Variants in POLR3E observed in about 807,000 individuals in gnomAD.
POLR3E encodes DNA-directed RNA polymerase III subunit RPC5.
POLR3E carries 41 observed loss-of-function variants against 96.6 expected under a neutral mutation model. The ratio of observed to expected loss-of-function variants is 0.42; its 90% CI spans 0.33 to 0.55. POLR3E has a LOEUF of 0.55. Ranked by LOEUF, POLR3E falls within the 20% of genes least tolerant of loss-of-function variation. The pLI is 0.06. For synonymous variants in POLR3E, 396 were observed against 383.6 expected (o/e 1.03, Z -0.38); for missense variants, 849 against 952.1 (o/e 0.89, Z 1.43).
chr16:22,298,988 G>C (rs2047964777), intron 1 of POLR3E: 1 of 455,880 alleles, frequency 2.2e-6, no homozygotes, highest in Admixed American at 2.4e-5. Flanking sequence ...CCTTCATGGA[G>C]CTTACGTTCT....
intron 3 of POLR3E, 105 bp from the exon 4 acceptor site, chr16:22,308,043 T>C: frequency 1.3e-6 from 1 of 796,130 alleles, no homozygotes; most frequent in Non-Finnish European, 2.2e-6. Context: ...GTAAGGCCAG[T>C]CTCTGCTTGG....
chr16:22,328,580 G>A lies in POLR3E; in HGVS notation c.1937G>A (p.Ser646Asn). The change falls in exon 19 of 21, where the codon AGT becomes AAT. Residue 646 changes from serine (S) to asparagine (N), a missense_variant. Coordinates refer to ENST00000299853, the MANE Select transcript of POLR3E (RefSeq NM_018119.4). ...VFALWESGDM[S>N]DQHRQVLLEI... Reference sequence around the variant, plus strand: ...GCCCTCTGGGAGTCTGGAGACATGAGTGATCAGGTGAGGTGAACTTTGCTG... The same window carrying A: ...GCCCTCTGGGAGTCTGGAGACATGAATGATCAGGTGAGGTGAACTTTGCTG... The A allele has an allele frequency of 6.2e-7, 1 of 1,613,662 alleles. No individual in the cohort carries two copies. Among genetic ancestry groups the A allele is most frequent in the South Asian group, 1.1e-5 (1 of 91,076 alleles).
intron 13 of POLR3E, 106 bp downstream of exon 13, chr16:22,319,052 G>GT: frequency 1.3e-6 from 1 of 765,324 alleles, no homozygotes; most frequent in South Asian, 2.0e-5. Flanking sequence ...TCGGCTCACT[G>GT]TAACTTCTCC....
intron 4 of POLR3E, 32 bp downstream of exon 4, chr16:22,308,257 G>A (rs755560214): frequency 1.0e-5 from 16 of 1,537,808 alleles, no homozygotes; most frequent in Admixed American, 6.7e-5. Context: ...AGTTGGGGCC[G>A]AAAGAGAGGG....
Position 22,325,768 on chromosome 16 carries a change from C to G in POLR3E, c.1356C>G (p.Ala452=). The change falls in exon 18 of 21, where the codon GCC becomes GCG. Residue 452 remains alanine (A), a synonymous_variant. Transcript: ENST00000299853. ...PKKPDAQSGP[A]GLVCGDQRIQ... Reference sequence around the variant, plus strand: ...CTGCCTCCCTCCCCGCAGGGCCTGCCGGGCTGGTCTGTGGGGACCAGCGGA... The same window carrying G: ...CTGCCTCCCTCCCCGCAGGGCCTGCGGGGCTGGTCTGTGGGGACCAGCGGA... The G allele has an allele frequency of 6.4e-7, 1 of 1,560,018 alleles. No individual in the cohort carries two copies. The highest frequency in any genetic ancestry group is 8.7e-7 in the Non-Finnish European group (1 of 1,154,114).
At chr16:22,332,216 T>C in intron 20 of POLR3E, 31 bp downstream of exon 20, 2 of 1,600,486 alleles carry the variant, frequency 1.2e-6, no homozygotes, top group Non-Finnish European at 1.7e-6. Flanking sequence ...ACAAACAATA[T>C]CAAAGGCTCT....
At chr16:22,332,310 G>A (rs1669387615) in intron 20 of POLR3E, 125 bp downstream of exon 20, 2 of 822,578 alleles carry the variant, frequency 2.4e-6, no homozygotes, top group African/African-American at 1.7e-5. Context: ...TCCCCAGTCA[G>A]TCTTGTCTTG....
chr16:22,332,967 C>CTTTTT (rs1166614906), intron 20 of POLR3E, among the ~76,000 whole-genome samples: 105 of 72,988 alleles, frequency 1.4e-3, no homozygotes, highest in Non-Finnish European at 1.8e-3. Flanking sequence ...CGTAGACCCC[C>CTTTTT]TTTTTTTTTT....
In POLR3E at chr16:22,333,626, C is replaced by T; in HGVS notation, c.2071-18C>T. 1 of 1,592,784 alleles carries T rather than the reference C, an allele frequency of 6.3e-7. No homozygotes were observed. On this transcript the variant is annotated intron_variant, in intron 20 of 20. Coordinates refer to ENST00000299853, the MANE Select transcript of POLR3E (RefSeq NM_018119.4). ...TTTTCCTGCAAAAATCTGTGCTTAC[C>T]CTGTTTCTCTCTCATAGGACTGCTG... is the stretch of plus-strand genomic sequence containing the variant.
intron 17 of POLR3E, 68 bp from the exon 18 acceptor site, chr16:22,325,693 G>T: frequency 6.7e-7 from 1 of 1,486,928 alleles, no homozygotes; most frequent in Non-Finnish European, 8.9e-7. Context: ...CAGCCCCGCG[G>T]TCCCCTGCTG....
chr16:22,312,890 A>C (rs997277159), intron 6 of POLR3E, among the ~76,000 whole-genome samples: 10 of 151,776 alleles, frequency 6.6e-5, no homozygotes, highest in Middle Eastern at 3.2e-3. Context: ...AAAAAAAAAA[A>C]AAAAAAACAG....
At chr16:22,332,209 A>G (rs779216604) in intron 20 of POLR3E, 24 bp downstream of exon 20, 11 of 1,605,210 alleles carry the variant, frequency 6.9e-6, no homozygotes, top group Non-Finnish European at 9.4e-6. Context: ...GTGCATAACA[A>G]ACAATATCAA....
At position 22,332,176 on chromosome 16, in the gene POLR3E, AGTACTAAAG is replaced by A. The variant is rs1203024274; in HGVS notation, c.2066_2070+4del. On this transcript the variant is annotated inframe_deletion and splice_region_variant, in exon 20 of 21. Coordinates refer to ENST00000299853, the MANE Select transcript of POLR3E (RefSeq NM_018119.4). ...ATCTCAGTAAACAGGAGGTGGATAA[AGTACTAAAG>A]GTACATCCATTTTGTGCATAACAAA... The A allele has an allele frequency of 6.2e-7, 1 of 1,613,640 alleles. No individual in the cohort carries two copies. Among genetic ancestry groups the A allele is most frequent in the Non-Finnish European group, 8.5e-7 (1 of 1,179,592 alleles).
chr16:22,306,477 A>T (rs2048135086), intron 3 of POLR3E, among the ~76,000 whole-genome samples: 1 of 151,484 alleles, frequency 6.6e-6, no homozygotes, highest in Non-Finnish European at 1.5e-5. Flanking sequence ...CTGGTCTCGA[A>T]CTCCTGACCT....
At chr16:22,332,526 A>C (rs373329155) in intron 20 of POLR3E, among the ~76,000 whole-genome samples, 1 of 152,090 alleles carries the variant, frequency 6.6e-6, no homozygotes, top group Admixed American at 6.6e-5. Context: ...AGAAACTAAA[A>C]ACCATGGCTT....
rs536861972 is a variant in POLR3E, at chr16:22,315,277, G to A, written c.642+69G>A. 209 of 1,476,170 alleles carry A rather than the reference G, an allele frequency of 1.4e-4. No individual in the cohort carries two copies. In the African/African-American group the frequency reaches 2.1e-3, roughly 15 times the overall value. 91.4% of individuals were successfully genotyped at this position (1,476,170 alleles called of 1,614,324 possible). ...CCGGAAGGGTCATGGTGTGGCCTCC[G>A]TGTCTCACCTTGAACTTAAGTCAAA... On this transcript the variant is annotated intron_variant, in intron 9 of 20. Transcript: ENST00000299853.
chr16:22,299,334 A>G (rs1381642116), intron 1 of POLR3E, among the ~76,000 whole-genome samples: 1 of 151,978 alleles, frequency 6.6e-6, no homozygotes, highest in East Asian at 1.9e-4. Context: ...TAGGTGGCTC[A>G]TGGAAAGGAG....
chr16:22,304,824 C>T (rs1319249734), intron 2 of POLR3E, among the ~76,000 whole-genome samples: 1 of 152,152 alleles, frequency 6.6e-6, no homozygotes, highest in African/African-American at 2.4e-5. Flanking sequence ...CTGCCTGCCT[C>T]TCAGAAGAGC....
At chr16:22,325,442 C>T in intron 17 of POLR3E, 176 bp downstream of exon 17, 1 of 658,936 alleles carries the variant, frequency 1.5e-6, no homozygotes, top group Non-Finnish European at 2.7e-6. Flanking sequence ...GCTTGCCCAG[C>T]AGCAGAGCCT....
Sources: allele counts gnomAD v4.1 joint callset (sites outside exome capture counted in the v4.1 genomes callset), GRCh38; gene constraint gnomAD v4.1.1; transcripts MANE v1.5; gene names NCBI Gene and HGNC (gene_info 2026-07-23, HGNC 2026-07-21).